TAFA2: variants seen among roughly 807,000 people sequenced by gnomAD.
The protein encoded by TAFA2 is TAFA chemokine like family member 2.
In TAFA2, 7 loss-of-function variants were observed where a neutral mutation model predicts 18.8. The ratio of observed to expected loss-of-function variants is 0.37; its 90% CI spans 0.21 to 0.70. The LOEUF (loss-of-function observed/expected upper bound fraction) is 0.70, where lower values mean the gene tolerates loss of function less well. TAFA2 is among the 30% of genes least tolerant of loss of function. The pLI is 0.53. For synonymous variants in TAFA2, 60 were observed against 54.2 expected (o/e 1.11, Z -0.47); for missense variants, 122 against 158.1 (o/e 0.77, Z 1.23).
chr12:61,935,925 A>T (rs1877746064), intron 1 of TAFA2, among the ~76,000 whole-genome samples: 2 of 152,068 alleles, frequency 1.3e-5, no homozygotes, highest in African/African-American at 4.8e-5. Context: ...TTCCAGACAT[A>T]CAAAAAAGAA....
At chr12:61,967,284 G>A (rs1212685324) in intron 1 of TAFA2, among the ~76,000 whole-genome samples, 1 of 151,816 alleles carries the variant, frequency 6.6e-6, no homozygotes, top group Non-Finnish European at 1.5e-5. Flanking sequence ...GGGTTGCAGA[G>A]AGGAACCTAA....
At chr12:61,797,187 T>C (rs1871222700) in intron 2 of TAFA2, among the ~76,000 whole-genome samples, 1 of 152,126 alleles carries the variant, frequency 6.6e-6, no homozygotes, top group Non-Finnish European at 1.5e-5. Context: ...ACCAATAGCA[T>C]CACTAGTAGC....
intron 1 of TAFA2, among the ~76,000 whole-genome samples, chr12:62,074,403 C>T (rs9706516): frequency 3.4e-4 from 51 of 152,138 alleles, no homozygotes; most frequent in Non-Finnish European, 5.7e-4. Context: ...CTAATCTCTA[C>T]TGCAATTTAA....
At chr12:61,840,962 G>A (rs1299979468) in intron 2 of TAFA2, among the ~76,000 whole-genome samples, 1 of 152,096 alleles carries the variant, frequency 6.6e-6, no homozygotes, top group East Asian at 1.9e-4. Flanking sequence ...CAAGATCCCA[G>A]TTGTAAAAGA....
chr12:61,982,948 T>C (rs1241000840), intron 1 of TAFA2, among the ~76,000 whole-genome samples: 3 of 151,830 alleles, frequency 2.0e-5, no homozygotes, highest in Non-Finnish European at 4.4e-5. Context: ...TTAAGAGTTC[T>C]TTAATTCCCT....
intron 1 of TAFA2, among the ~76,000 whole-genome samples, chr12:62,027,933 G>A (rs141334600): frequency 1.4e-3 from 217 of 152,188 alleles, no homozygotes; most frequent in African/African-American, 5.1e-3. Flanking sequence ...GATGCAGTTG[G>A]CTAATACCCT....
chr12:61,750,259 G>T (rs1169539891), intron 4 of TAFA2, among the ~76,000 whole-genome samples: 1 of 152,048 alleles, frequency 6.6e-6, no homozygotes, highest in Non-Finnish European at 1.5e-5. Context: ...CTTTCCTTCT[G>T]TTTAACTTAG....
chr12:62,227,878 T>C (rs2062794462), intron 1 of TAFA2, among the ~76,000 whole-genome samples: 1 of 152,184 alleles, frequency 6.6e-6, no homozygotes, highest in African/African-American at 2.4e-5. Context: ...CTTTCCCCAA[T>C]GTACGTTCTT....
chr12:61,807,494 C>G (rs1443104382), intron 2 of TAFA2, among the ~76,000 whole-genome samples: 1 of 151,288 alleles, frequency 6.6e-6, no homozygotes, highest in Admixed American at 6.6e-5. Context: ...GGTCAGAACC[C>G]CCACACAGAG....
intron 1 of TAFA2, among the ~76,000 whole-genome samples, chr12:62,243,926 C>G (rs931091312): frequency 4.6e-5 from 7 of 152,102 alleles, no homozygotes; most frequent in Admixed American, 3.3e-4. Flanking sequence ...TACTCTAGCT[C>G]CCAGGGCATG....
chr12:61,917,959 T>C (rs1592485217), intron 1 of TAFA2, among the ~76,000 whole-genome samples: 1 of 152,284 alleles, frequency 6.6e-6, no homozygotes, highest in East Asian at 1.9e-4. Flanking sequence ...AGTGGATAGC[T>C]AGGGATTCTC....
intron 2 of TAFA2, among the ~76,000 whole-genome samples, chr12:61,832,580 T>A (rs1872758851): frequency 6.6e-6 from 1 of 152,124 alleles, no homozygotes; most frequent in African/African-American, 2.4e-5. Flanking sequence ...ATAAAATGGT[T>A]GTGCTTTTGC....
intron 1 of TAFA2, among the ~76,000 whole-genome samples, chr12:62,049,792 A>C (rs1195421453): frequency 6.6e-6 from 1 of 152,178 alleles, no homozygotes; most frequent in African/African-American, 2.4e-5. Context: ...ATTAAGAGAC[A>C]TATTAGAAAC....
chr12:62,161,197 A>G (rs2062404837), intron 1 of TAFA2, among the ~76,000 whole-genome samples: 1 of 152,202 alleles, frequency 6.6e-6, no homozygotes, highest in African/African-American at 2.4e-5. Flanking sequence ...CTGATTCATC[A>G]AAAATCAGAT....
chr12:61,991,474 T>C lies in TAFA2; in HGVS notation c.-1-124048A>G, dbSNP rs539575898. ...TACAAAGGCTTCATTTTATCTACCA[T>C]AAACAGTCTAAAGTCATTTATTGGC... On this transcript the variant is annotated intron_variant, in intron 1 of 4. Transcript: ENST00000416284. 6.0e-4 allele frequency among the ~76,000 whole-genome samples: 92 copies of C among 152,330 alleles called. No individual in the cohort carries two copies. In the Middle Eastern group the frequency reaches 0.02, roughly 34 times the overall value.
At chr12:61,842,768 A>G (rs562170046) in intron 2 of TAFA2, among the ~76,000 whole-genome samples, 1 of 152,254 alleles carries the variant, frequency 6.6e-6, no homozygotes, top group South Asian at 2.1e-4. Flanking sequence ...GGATAAAACC[A>G]AGAGCTATTT....
At chr12:62,220,975 C>T (rs1036109173) in intron 1 of TAFA2, among the ~76,000 whole-genome samples, 2 of 151,808 alleles carry the variant, frequency 1.3e-5, no homozygotes, top group East Asian at 1.9e-4. Context: ...GGCATGGTAG[C>T]GGGCGCCTGT....
intron 1 of TAFA2, among the ~76,000 whole-genome samples, chr12:61,887,226 G>C (rs975476663): frequency 5.9e-5 from 9 of 152,134 alleles, no homozygotes; most frequent in Admixed American, 5.9e-4. Flanking sequence ...AGCTGAATTT[G>C]ACTCCAATAC....
At chr12:62,188,636 T>C (rs1213776203) in intron 1 of TAFA2, among the ~76,000 whole-genome samples, 4 of 152,136 alleles carry the variant, frequency 2.6e-5, no homozygotes, top group African/African-American at 9.7e-5. Flanking sequence ...TAGTGATAAA[T>C]CATCCTTAAA....
Sources: allele counts gnomAD v4.1 joint callset (sites outside exome capture counted in the v4.1 genomes callset), GRCh38; gene constraint gnomAD v4.1.1; transcripts MANE v1.5; gene names NCBI Gene and HGNC (gene_info 2026-07-23, HGNC 2026-07-21).